Variants in LYZL4 observed in about 807,000 individuals in gnomAD.
LYZL4 encodes lysozyme-like protein 4.
In LYZL4, 13 loss-of-function variants were observed where a neutral mutation model predicts 17.6. The observed-to-expected ratio is 0.74, with a 90% CI of 0.48 to 1.18. The LOEUF (loss-of-function observed/expected upper bound fraction) is 1.18. LYZL4 is among the 50% of genes most tolerant of loss of function. LYZL4 has a pLI of 0.00. For missense variants in LYZL4, 174 were observed against 188.2 expected (o/e 0.92, Z 0.44); for synonymous variants, 64 against 67.7 (o/e 0.95, Z 0.27).
At chr3:42,392,395 G>A (rs1249176605), downstream of LYZL4, among the ~76,000 whole-genome samples, 2 of 152,124 alleles carry the variant, frequency 1.3e-5, no homozygotes, top group Non-Finnish European at 2.9e-5. Context: ...AGGAGGTGTG[G>A]GAGAGTTAAA....
At chr3:42,402,065 G>A (rs561142879) in intron 4 of LYZL4, among the ~76,000 whole-genome samples, 3 of 149,588 alleles carry the variant, frequency 2.0e-5, no homozygotes, top group Admixed American at 1.3e-4. Flanking sequence ...TAACCATAAA[G>A]GGAAAGCAAT....
At chr3:42,397,881 C>T (rs909667748) in intron 4 of LYZL4, among the ~76,000 whole-genome samples, 2 of 152,204 alleles carry the variant, frequency 1.3e-5, no homozygotes, top group Non-Finnish European at 2.9e-5. Context: ...TCTCCTGGTG[C>T]CTGTCAAAGT....
At chr3:42,386,099 C>CA in the LYZL4 span, among the ~76,000 whole-genome samples, 1 of 151,238 alleles carries the variant, frequency 6.6e-6, no homozygotes, top group Non-Finnish European at 1.5e-5. Flanking sequence ...CTCCTGCATC[C>CA]TTTTTTTTTC....
At chr3:42,364,089 T>C in the LYZL4 span, among the ~76,000 whole-genome samples, 2 of 152,126 alleles carry the variant, frequency 1.3e-5, no homozygotes, top group African/African-American at 4.8e-5. Flanking sequence ...TGGGGCCATC[T>C]CCCACCTACC....
At chr3:42,385,226 A>G in the LYZL4 span, among the ~76,000 whole-genome samples, 1 of 152,002 alleles carries the variant, frequency 6.6e-6, no homozygotes, top group Admixed American at 6.5e-5. Context: ...CTTTTCAAGG[A>G]CAGTCATGCA....
At chr3:42,373,294 C>G in the LYZL4 span, among the ~76,000 whole-genome samples, 1 of 152,126 alleles carries the variant, frequency 6.6e-6, no homozygotes, top group South Asian at 2.1e-4. Context: ...GAAACTGAGT[C>G]AGGAATGAGG....
At chr3:42,368,333 G>A in the LYZL4 span, among the ~76,000 whole-genome samples, 3 of 152,326 alleles carry the variant, frequency 2.0e-5, no homozygotes, top group South Asian at 2.1e-4. Flanking sequence ...TTATTTGGTG[G>A]GGCGAGGATG....
At chr3:42,381,554 C>T in the LYZL4 span, among the ~76,000 whole-genome samples, 8 of 152,074 alleles carry the variant, frequency 5.3e-5, no homozygotes, top group Non-Finnish European at 1.2e-4. Flanking sequence ...AGCGTTGAAA[C>T]GACAGCACAT....
At chr3:42,405,314 C>T (rs925991026) in intron 3 of LYZL4, among the ~76,000 whole-genome samples, 1 of 152,236 alleles carries the variant, frequency 6.6e-6, no homozygotes, top group African/African-American at 2.4e-5. Context: ...TCCCAAAGTG[C>T]TGGGATTACA....
intron 4 of LYZL4, among the ~76,000 whole-genome samples, chr3:42,400,838 G>A (rs1263976377): frequency 6.6e-6 from 1 of 152,208 alleles, no homozygotes; most frequent in Non-Finnish European, 1.5e-5. Flanking sequence ...TCACTGGGTA[G>A]TGTAGGCCTG....
At chr3:42,398,209 T>C (rs1483062879) in intron 4 of LYZL4, among the ~76,000 whole-genome samples, 1 of 152,090 alleles carries the variant, frequency 6.6e-6, no homozygotes, top group Non-Finnish European at 1.5e-5. Flanking sequence ...ATGTGTGATC[T>C]TAGTCTTCTC....
chr3:42,397,759 G>A (rs1698579791), intron 4 of LYZL4, among the ~76,000 whole-genome samples: 1 of 152,010 alleles, frequency 6.6e-6, no homozygotes, highest in Admixed American at 6.6e-5. Flanking sequence ...TTGTCCCCTG[G>A]GCCAGGGCCC....
intron 3 of LYZL4, 75 bp from the exon 4 acceptor site, chr3:42,404,199 A>G (rs367634109): frequency 5.5e-6 from 5 of 910,412 alleles, no homozygotes; most frequent in African/African-American, 5.0e-5. Context: ...GGGAAGGTAC[A>G]GGGTACTCAC....
downstream of LYZL4, among the ~76,000 whole-genome samples, chr3:42,393,989 G>A (rs1698520582): frequency 2.0e-5 from 3 of 152,170 alleles, no homozygotes; most frequent in South Asian, 6.2e-4. Flanking sequence ...GATGGGGTTT[G>A]GCCATGTTGG....
chr3:42,404,100 T>A lies in LYZL4; in HGVS notation c.317A>T (p.Lys106Met). The change falls in exon 4 of 5, where the codon AAG (lysine) becomes ATG (methionine). Residue 106 changes from lysine to methionine, a missense_variant. Coordinates refer to ENST00000287748, the MANE Select transcript of LYZL4 (RefSeq NM_144634.4). ...CSALLNPNLE[K>M]TIKCAKTIVK... ...AATGGTCTTGGCACATTTAATTGTC[T>A]TCTCTAAATTAGGATTCAGTAAAGC... is the stretch of plus-strand genomic sequence containing the variant. 6.2e-7 allele frequency: 1 copy of A among 1,612,550 alleles called. No homozygotes were observed. Among genetic ancestry groups the A allele is most frequent in the Non-Finnish European group, 8.5e-7 (1 of 1,178,608 alleles).
At chr3:42,400,901 G>A (rs910268657) in intron 4 of LYZL4, among the ~76,000 whole-genome samples, 1 of 152,126 alleles carries the variant, frequency 6.6e-6, no homozygotes, top group African/African-American at 2.4e-5. Context: ...GGAAATGGAG[G>A]ATTTTCATGC....
chr3:42,394,771 C>T (rs1272744276), downstream of LYZL4, among the ~76,000 whole-genome samples: 1 of 152,158 alleles, frequency 6.6e-6, no homozygotes, highest in Non-Finnish European at 1.5e-5. Context: ...GCCTCACGCC[C>T]ATGTTGACAC....
the LYZL4 span, among the ~76,000 whole-genome samples, chr3:42,365,447 G>A: frequency 1.3e-5 from 2 of 152,166 alleles, no homozygotes; most frequent in African/African-American, 4.8e-5. Context: ...TGACTGGGCT[G>A]AAGGTTGAAC....
chr3:42,379,684 G>C, the LYZL4 span, among the ~76,000 whole-genome samples: 1 of 152,166 alleles, frequency 6.6e-6, no homozygotes, highest in African/African-American at 2.4e-5. Context: ...CTGTCTTCCA[G>C]CCTCTGTGTT....
Sources: gnomAD v4.1 joint callset for allele counts (sites outside exome capture counted in the v4.1 genomes callset) on GRCh38, gnomAD v4.1.1 for gene constraint, MANE v1.5 for transcripts, NCBI Gene and HGNC (gene_info 2026-07-23, HGNC 2026-07-21) for gene names.